Variants in KCNH1 observed in about 807,000 individuals in gnomAD.
The protein encoded by KCNH1 is voltage-gated delayed rectifier potassium channel KCNH1.
In KCNH1, 27 loss-of-function variants were observed where a neutral mutation model predicts 69.2. The ratio of observed to expected loss-of-function variants is 0.39; its 90% CI spans 0.29 to 0.54. KCNH1 has a LOEUF of 0.54. KCNH1 is among the 20% of genes least tolerant of loss of function. The probability of loss-of-function intolerance (pLI) is 0.68; values close to 1 mark genes in which losing one functional copy is unlikely to be tolerated. For missense variants in KCNH1, 798 were observed against 1,261.6 expected, an observed-to-expected ratio of 0.63 and a Z score of 5.57; for synonymous variants, 456 against 487.7, an observed-to-expected ratio of 0.93 and a Z score of 0.86.
chr1:211,000,907 T>C (rs1689164583), intron 6 of KCNH1, among the ~76,000 whole-genome samples: 1 of 152,078 alleles, frequency 6.6e-6, no homozygotes. Context: ...AAACAAGAAA[T>C]GGGGAAAGGA....
chr1:210,865,754 C>T (rs1044654919), intron 7 of KCNH1, among the ~76,000 whole-genome samples: 2 of 152,182 alleles, frequency 1.3e-5, no homozygotes, highest in African/African-American at 4.8e-5. Context: ...CAGTTCAGAA[C>T]CTCTGTTTTT....
intron 6 of KCNH1, among the ~76,000 whole-genome samples, chr1:210,981,372 C>CAAAAAAAAAAAAAAAA (rs10684074): frequency 2.3e-5 from 2 of 85,492 alleles, no homozygotes; most frequent in African/African-American, 4.8e-5. Context: ...GTAACAACGA[C>CAAAAAAAAAAAAAAAA]AAAAAAAAAA....
chr1:210,792,260 A>G (rs1164921665), intron 9 of KCNH1, among the ~76,000 whole-genome samples: 1 of 151,966 alleles, frequency 6.6e-6, no homozygotes, highest in Non-Finnish European at 1.5e-5. Context: ...GCTAGTCTCC[A>G]TGCCTCTGTA....
At chr1:211,073,873 T>C (rs575302922) in intron 5 of KCNH1, among the ~76,000 whole-genome samples, 9 of 151,552 alleles carry the variant, frequency 5.9e-5, no homozygotes, top group East Asian at 1.9e-4. Context: ...AGCAATGAAA[T>C]TGAAAACAAA....
chr1:210,992,931 G>T (rs945267867), intron 6 of KCNH1, among the ~76,000 whole-genome samples: 3 of 152,004 alleles, frequency 2.0e-5, no homozygotes, highest in Admixed American at 6.6e-5. Flanking sequence ...ACTTTCATGG[G>T]TCTGTCTTTG....
intron 5 of KCNH1, among the ~76,000 whole-genome samples, chr1:211,081,402 C>G (rs1229777819): frequency 6.6e-6 from 1 of 152,206 alleles, no homozygotes; most frequent in African/African-American, 2.4e-5. Context: ...TTGTGGAAGA[C>G]AGTGTGGTGA....
chr1:211,025,105 C>T (rs971557636), intron 5 of KCNH1, among the ~76,000 whole-genome samples: 2 of 152,146 alleles, frequency 1.3e-5, no homozygotes, highest in African/African-American at 4.8e-5. Context: ...TGGGTTTCAT[C>T]CACATTAGTC....
chr1:210,807,562 G>A (rs1329626865), intron 7 of KCNH1, among the ~76,000 whole-genome samples: 3 of 152,124 alleles, frequency 2.0e-5, no homozygotes, highest in African/African-American at 4.8e-5. Context: ...CGTGAGCCAA[G>A]ATTGTGCCAC....
intron 6 of KCNH1, among the ~76,000 whole-genome samples, chr1:210,956,081 G>C (rs184002040): frequency 6.6e-6 from 1 of 152,218 alleles, no homozygotes; most frequent in African/African-American, 2.4e-5. Flanking sequence ...CGTCCCATCA[G>C]TACCTAGTTT....
intron 1 of KCNH1, among the ~76,000 whole-genome samples, chr1:211,110,223 C>T (rs918456037): frequency 1.3e-5 from 2 of 152,008 alleles, no homozygotes; most frequent in Non-Finnish European, 2.9e-5. Context: ...CTTTCTTTGG[C>T]AGTTACTTGA....
At chr1:210,969,716 A>G (rs1476263759) in intron 6 of KCNH1, among the ~76,000 whole-genome samples, 1 of 152,082 alleles carries the variant, frequency 6.6e-6, no homozygotes, top group Non-Finnish European at 1.5e-5. Context: ...TGATATTGCT[A>G]ATCTTGCCTG....
intron 10 of KCNH1, among the ~76,000 whole-genome samples, chr1:210,728,402 G>T (rs1027565249): frequency 6.6e-5 from 10 of 152,336 alleles, no homozygotes; most frequent in African/African-American, 2.4e-4. Flanking sequence ...CACACAGTAG[G>T]ACAGGTGATA....
At chr1:210,860,402 CT>C in intron 7 of KCNH1, 1 of 1,216,444 alleles carries the variant, frequency 8.2e-7, no homozygotes, top group Non-Finnish European at 1.2e-6. Context: ...TGGGTTATCT[CT>C]TTATGATCTT....
chr1:210,859,966 C>A lies in KCNH1; in HGVS notation c.1463-55800G>T, dbSNP rs144782376. On this transcript the variant is annotated intron_variant, in intron 7 of 10. Coordinates refer to ENST00000271751, the MANE Select transcript of KCNH1 (RefSeq NM_172362.3). The stretch of plus-strand genomic sequence containing the variant: ...ATAGTTCAAAGTTCACTTGTCTTAA[C>A]CTCTCTTGGCAGTCTTTCTAAGGCT... 51 of 1,590,596 alleles carry A rather than the reference C, an allele frequency of 3.2e-5. No homozygotes were observed. In the African/African-American group the frequency reaches 6.3e-4, roughly 20 times the overall value.
intron 7 of KCNH1, among the ~76,000 whole-genome samples, chr1:210,830,860 T>C (rs1366741502): frequency 6.6e-6 from 1 of 152,154 alleles, no homozygotes; most frequent in Non-Finnish European, 1.5e-5. Flanking sequence ...ATTTAAAAAC[T>C]CTAAAAGACC....
intron 1 of KCNH1, among the ~76,000 whole-genome samples, chr1:211,112,955 A>G (rs139677294): frequency 1.3e-5 from 2 of 152,326 alleles, no homozygotes; most frequent in African/African-American, 4.8e-5. Context: ...TATAAATACC[A>G]TAACACCACA....
chr1:210,864,710 G>A (rs1038943835), intron 7 of KCNH1, among the ~76,000 whole-genome samples: 11 of 152,318 alleles, frequency 7.2e-5, no homozygotes, highest in African/African-American at 2.2e-4. Flanking sequence ...AAGACAACTA[G>A]CATTTTACTA....
chr1:210,903,589 T>G lies in KCNH1; in HGVS notation c.1462+16051A>C, dbSNP rs191384119. ...ATTTGCTGCCAAGAAATACCTATGA[T>G]GTACCTGGTATAAAGCAGGCATTCA... On this transcript the variant is annotated intron_variant, in intron 7 of 10. Transcript: ENST00000271751. 2.0e-5 allele frequency among the ~76,000 whole-genome samples: 3 copies of G among 152,338 alleles called. No individual in the cohort carries two copies. The East Asian group carries it at 5.8e-4, about 29-fold the overall frequency.
At chr1:210,685,773 A>G (rs894952805) in intron 10 of KCNH1, among the ~76,000 whole-genome samples, 1 of 152,178 alleles carries the variant, frequency 6.6e-6, no homozygotes, top group African/African-American at 2.4e-5. Context: ...GCCCTGCCCC[A>G]TGCTATCACC....
Sources: allele counts gnomAD v4.1 joint callset (sites outside exome capture counted in the v4.1 genomes callset), GRCh38; gene constraint gnomAD v4.1.1; transcripts MANE v1.5; gene names NCBI Gene and HGNC (gene_info 2026-07-23, HGNC 2026-07-21).